The following GLDN variants were observed in gnomAD, a reference collection of about 807,000 sequenced individuals.
The protein encoded by GLDN is gliomedin, also known as collomin.
A neutral mutation model predicts 56.5 loss-of-function variants in GLDN; 47 were observed. The ratio of observed to expected loss-of-function variants is 0.83; its 90% CI spans 0.66 to 1.06. The LOEUF (loss-of-function observed/expected upper bound fraction) is 1.06, where lower values mean the gene tolerates loss of function less well. GLDN is among the 50% of genes least tolerant of loss of function. The pLI, the probability that GLDN is intolerant of heterozygous loss-of-function variation, is 0.00. For missense variants in GLDN, 782 were observed against 714.3 expected (o/e 1.09, Z -1.08); for synonymous variants, 332 against 278.8 (o/e 1.19, Z -1.90).
chr15:51,402,143 C>T (rs2038267877), intron 9 of GLDN, among the ~76,000 whole-genome samples: 1 of 152,190 alleles, frequency 6.6e-6, no homozygotes, highest in Non-Finnish European at 1.5e-5. Flanking sequence ...TTTCGTGTCA[C>T]AGCTGAGATC....
chr15:51,352,163 G>A (rs78866778), intron 1 of GLDN, among the ~76,000 whole-genome samples: 5,525 of 151,940 alleles, frequency 0.036, 316 homozygotes, highest in African/African-American at 0.13. Context: ...GTCTGGTGAG[G>A]GTCTGTTTTC....
chr15:51,382,618 C>G (rs949647453), intron 2 of GLDN, among the ~76,000 whole-genome samples: 9 of 150,220 alleles, frequency 6.0e-5, no homozygotes, highest in African/African-American at 2.2e-4. Flanking sequence ...CCCAGCTACT[C>G]GGGAGGCTGA....
chr15:51,351,654 A>G (rs1021112186), intron 1 of GLDN, among the ~76,000 whole-genome samples: 13 of 152,192 alleles, frequency 8.5e-5, no homozygotes, highest in Admixed American at 5.9e-4. Context: ...TCACCTGCCC[A>G]TGGTACTGCT....
At chr15:51,351,370 C>G (rs2470162) in intron 1 of GLDN, among the ~76,000 whole-genome samples, 7,290 of 152,178 alleles carry the variant, frequency 0.048, 219 homozygotes, top group Non-Finnish European at 0.064. Flanking sequence ...TGCCACTATG[C>G]CGGGGAAAAA....
At chr15:51,344,355 C>A (rs920356028) in intron 1 of GLDN, among the ~76,000 whole-genome samples, 1 of 152,166 alleles carries the variant, frequency 6.6e-6, no homozygotes, top group Non-Finnish European at 1.5e-5. Flanking sequence ...TGCTTCAGGA[C>A]GAGGAGCCAA....
rs564778749 is a variant in GLDN, at chr15:51,379,168, T to A, written c.415+1668T>A. ...CATCTCAGTTGGATCGTGAGGGTAA[T>A]CCCCTAGCTAGAGTAATTAGTTATT... On this transcript the variant is annotated intron_variant, in intron 2 of 9. Transcript: ENST00000335449. Among the ~76,000 whole-genome samples the A allele has an allele frequency of 2.6e-5, 4 of 152,322 alleles. No individual in the cohort carries two copies. In the East Asian group the frequency reaches 5.8e-4, roughly 22 times the overall value.
intron 1 of GLDN, among the ~76,000 whole-genome samples, chr15:51,350,355 T>G: frequency 6.6e-6 from 1 of 152,100 alleles, no homozygotes; most frequent in Non-Finnish European, 1.5e-5. Context: ...GGTGAGGGGT[T>G]GGGGGAGCTG....
chr15:51,394,567 C>T (rs1444146708), intron 4 of GLDN, among the ~76,000 whole-genome samples: 4 of 152,096 alleles, frequency 2.6e-5, no homozygotes, highest in Admixed American at 6.5e-5. Context: ...GAGCCGAGAT[C>T]GCGCTACTGC....
At chr15:51,386,639 C>T (rs1043740744) in intron 4 of GLDN, among the ~76,000 whole-genome samples, 5 of 152,162 alleles carry the variant, frequency 3.3e-5, no homozygotes, top group East Asian at 1.9e-4. Flanking sequence ...GCACTGGAAC[C>T]GGCAGGCGAA....
rs78869327 is a variant in GLDN, at chr15:51,377,846, A to G, written c.415+346A>G. ...TGCTAATTAATACAGTTCTTTTATC[A>G]GAAGTACTTATTGGCCAGATTGGCC... On this transcript the variant is annotated intron_variant, in intron 2 of 9. Coordinates refer to ENST00000335449, the MANE Select transcript of GLDN (RefSeq NM_181789.4). Among the ~76,000 whole-genome samples the G allele has an allele frequency of 3.5e-3, 535 of 152,356 alleles. 4 individuals are homozygous for G. Among genetic ancestry groups the G allele is most frequent in the African/African-American group, 0.012 (513 of 41,588 alleles).
intron 1 of GLDN, among the ~76,000 whole-genome samples, chr15:51,346,584 A>G (rs1270139284): frequency 2.0e-5 from 3 of 152,234 alleles, no homozygotes; most frequent in African/African-American, 7.2e-5. Context: ...AAAGGAAAAT[A>G]TGAGTATATC....
chr15:51,355,770 A>G (rs540015250), intron 1 of GLDN, among the ~76,000 whole-genome samples: 140 of 148,264 alleles, frequency 9.4e-4, no homozygotes, highest in South Asian at 3.2e-3. Flanking sequence ...TGATCTGCCC[A>G]CCTTGGCCTC....
chr15:51,397,511 C>T lies in GLDN; in HGVS notation c.730C>T (p.Pro244Ser), dbSNP rs765004774. ...AGGCCCACCCGGTCCACCTGGGCCCCCAGGCCCTCCAGGTCCTCCAGGGCC... is the reference window on the plus strand; with the variant it reads ...AGGCCCACCCGGTCCACCTGGGCCCTCAGGCCCTCCAGGTCCTCCAGGGCC... ...DQGPPGPPGP[P>S]GPPGPPGPPG... is the part of the protein sequence containing the mutation. The change falls in exon 6 of 10, where the codon CCA (proline) becomes TCA (serine). Residue 244 changes from proline to serine, a missense_variant. Transcript: ENST00000335449. 2 of 1,591,490 alleles carry T rather than the reference C, an allele frequency of 1.3e-6. No homozygotes were observed. Among genetic ancestry groups the T allele is most frequent in the Non-Finnish European group, 1.7e-6 (2 of 1,167,774 alleles).
Position 51,404,559 on chromosome 15 carries a change from C to T in GLDN, c.1461C>T (p.Thr487=), listed in dbSNP as rs769495175. The change falls in exon 10 of 10, where the codon ACC becomes ACT. Residue 487 remains threonine, a synonymous_variant. Transcript: ENST00000335449. The part of the protein sequence containing the change: ...IARGILYVTD[T]KDMRVTFAFD... ...GAGGAATCCTCTATGTCACAGACAC[C>T]AAAGATATGAGGGTCACATTTGCCT... is the stretch of plus-strand genomic sequence containing the variant. 4 of 1,614,070 alleles carry T rather than the reference C, an allele frequency of 2.5e-6. No individual in the cohort carries two copies. Among genetic ancestry groups the T allele is most frequent in the Admixed American group, 3.3e-5 (2 of 60,014 alleles).
intron 4 of GLDN, among the ~76,000 whole-genome samples, chr15:51,393,600 G>A (rs2038065359): frequency 6.6e-6 from 1 of 152,174 alleles, no homozygotes; most frequent in East Asian, 1.9e-4. Flanking sequence ...GCTGTTTCAC[G>A]CAGCTGTCTC....
chr15:51,343,360 A>AC (rs2036920240), intron 1 of GLDN, among the ~76,000 whole-genome samples: 1 of 151,980 alleles, frequency 6.6e-6, no homozygotes, highest in South Asian at 2.1e-4. Context: ...TAAGATGAAA[A>AC]AAACCTCCTT....
At chr15:51,342,542 A>G (rs929526420) in intron 1 of GLDN, among the ~76,000 whole-genome samples, 2 of 152,190 alleles carry the variant, frequency 1.3e-5, no homozygotes, top group African/African-American at 2.4e-5. Flanking sequence ...GCATCGCCTC[A>G]TTCCTGCGAG....
rs199538582 is a variant in GLDN, at chr15:51,404,534, G to A, written c.1436G>A (p.Arg479Gln). 1.4e-5 allele frequency: 23 copies of A among 1,614,002 alleles called. No homozygotes were observed. Among genetic ancestry groups the A allele is most frequent in the African/African-American group, 4.0e-5 (3 of 74,908 alleles). ...KSKAGNAFIA[R>Q]GILYVTDTKD... ...AAGGCTGGCAACGCCTTCATTGCCC[G>A]AGGAATCCTCTATGTCACAGACACC... Residue 479 changes from arginine (R) to glutamine (Q), a missense_variant, in exon 10 of 10, where the codon CGA becomes CAA. Transcript: ENST00000335449.
rs764239923 is a variant in GLDN, at chr15:51,404,521, G to A, written c.1423G>A (p.Ala475Thr). Residue 475 changes from alanine (A) to threonine (T), a missense_variant, in exon 10 of 10, where the codon GCC (alanine) becomes ACC (threonine). Coordinates refer to ENST00000335449, the MANE Select transcript of GLDN (RefSeq NM_181789.4). The stretch of plus-strand genomic sequence containing the variant: ...GTACCCTAAATCCAAGGCTGGCAAC[G>A]CCTTCATTGCCCGAGGAATCCTCTA... The part of the protein sequence containing the change: ...TTYPKSKAGN[A>T]FIARGILYVT... 7.4e-6 allele frequency: 12 copies of A among 1,613,972 alleles called. No homozygotes were observed. Among genetic ancestry groups the A allele is most frequent in the East Asian group, 4.5e-5 (2 of 44,892 alleles).
Sources: gnomAD v4.1 joint callset for allele counts (sites outside exome capture counted in the v4.1 genomes callset) on GRCh38, gnomAD v4.1.1 for gene constraint, MANE v1.5 for transcripts, NCBI Gene and HGNC (gene_info 2026-07-23, HGNC 2026-07-21) for gene names.